TASOR: variants seen among roughly 807,000 people sequenced by gnomAD.
The protein encoded by TASOR is protein TASOR.
A neutral mutation model predicts 178.6 loss-of-function variants in TASOR; 53 were observed. That is an observed-to-expected ratio of 0.30 (90% CI 0.24 to 0.37). The LOEUF is 0.37. Ranked by LOEUF, TASOR falls within the 10% of genes least tolerant of loss-of-function variation. The pLI, the probability that TASOR is intolerant of heterozygous loss-of-function variation, is 1.00. For synonymous variants in TASOR, 713 were observed against 696.2 expected (o/e 1.02, Z -0.38); for missense variants, 1,815 against 1,971.4 (o/e 0.92, Z 1.50).
chr3:56,660,117 T>A (rs1260642528), intron 11 of TASOR, among the ~76,000 whole-genome samples: 1 of 151,992 alleles, frequency 6.6e-6, no homozygotes, highest in Non-Finnish European at 1.5e-5. Flanking sequence ...TGCCTTGGCC[T>A]CCTAAAGTGC....
At position 56,623,309 on chromosome 3, in the gene TASOR, C is replaced by T; in HGVS notation, c.4741G>A (p.Gly1581Arg). ...RTSIDIVCSE[G>R]ENSNSTEQDS... is the part of the protein sequence containing the mutation. Reference sequence around the variant, plus strand: ...TGTTCTGTTGAATTGCTGTTCTCTCCTTCAGAGCATACTATATCAATAGAA... The same window carrying T: ...TGTTCTGTTGAATTGCTGTTCTCTCTTTCAGAGCATACTATATCAATAGAA... Residue 1581 changes from glycine (G) to arginine (R), a missense_variant, in exon 24 of 24, where the codon GGA becomes AGA. By Grantham distance (125) the Gly-to-Arg change is moderately radical. Around this residue, in one of 5 missense-constraint regions of TASOR, gnomAD observed 278 missense variants for 257.1 expected, o/e 1.08. Coordinates refer to ENST00000683822, the MANE Select transcript of TASOR (RefSeq NM_001365635.2). 1 of 1,613,464 alleles carries T rather than the reference C, an allele frequency of 6.2e-7. No individual in the cohort carries two copies. Among genetic ancestry groups the T allele is most frequent in the Non-Finnish European group, 8.5e-7 (1 of 1,179,936 alleles).
intron 18 of TASOR, among the ~76,000 whole-genome samples, chr3:56,629,640 T>C (rs1321114929): frequency 6.6e-6 from 1 of 152,192 alleles, no homozygotes; most frequent in Non-Finnish European, 1.5e-5. Flanking sequence ...AGGCAGACTT[T>C]CATGCAGAGT....
intron 4 of TASOR, 97 bp from the exon 5 acceptor site, chr3:56,669,888 G>T: frequency 1.0e-6 from 1 of 997,950 alleles, no homozygotes; most frequent in Non-Finnish European, 1.5e-6. Context: ...TCATCAATTT[G>T]AGGTGTTCAA....
chr3:56,633,377 A>G lies in TASOR; in HGVS notation c.3414T>C (p.Cys1138=), dbSNP rs1325049998. ...AGTTGGTATCTTTCAAAGGATCACT[A>G]CACAGTGGCTCAAGGAGATGTTTAT... is the stretch of plus-strand genomic sequence containing the variant. ...FNNKHLLEPL[C]SDPLKDTNSD... Residue 1138 remains cysteine, a synonymous_variant, in exon 18 of 24, where the codon TGT becomes TGC. Transcript: ENST00000683822. 2.5e-6 allele frequency: 4 copies of G among 1,614,084 alleles called. No individual in the cohort carries two copies. Among genetic ancestry groups the G allele is most frequent in the Non-Finnish European group, 2.5e-6 (3 of 1,180,036 alleles).
rs1193638568 is a variant in TASOR at position 56,620,999 on chromosome 3, A to AAAGT, written c.*2034_*2037dup. 2 of 84,134 alleles carry AAAGT rather than the reference A, an allele frequency of 2.4e-5. No individual in the cohort carries two copies. The highest frequency in any genetic ancestry group is 4.8e-5 in the Non-Finnish European group (2 of 41,352). 5.2% of individuals were successfully genotyped at this position (84,134 alleles called of 1,614,324 possible). On this transcript the variant is annotated 3_prime_UTR_variant, in exon 24 of 24. Transcript: ENST00000683822. ...AACCCTGTCTCTACTAAAAATACAA[A>AAAGT]AAGTTAGTTAGTTAGTTAGCCAGGC... is the stretch of plus-strand genomic sequence containing the variant.
chr3:56,676,996 A>AT (rs914825825), intron 1 of TASOR, among the ~76,000 whole-genome samples: 1 of 152,162 alleles, frequency 6.6e-6, no homozygotes, highest in African/African-American at 2.4e-5. Context: ...ATAATTTCTC[A>AT]TTTTTTCTGG....
chr3:56,627,548 GA>G, intron 20 of TASOR, 33 bp downstream of exon 20: 1 of 1,608,324 alleles, frequency 6.2e-7, no homozygotes, highest in Non-Finnish European at 8.5e-7. Flanking sequence ...AGAGTCAGAA[GA>G]GGAGTTACGT....
At chr3:56,664,014 A>C in intron 7 of TASOR, 1 of 235,034 alleles carries the variant, frequency 4.3e-6, no homozygotes, top group Non-Finnish European at 6.9e-6. Flanking sequence ...ACCTACATAA[A>C]TCTAATGAGG....
At position 56,683,233 on chromosome 3, in the gene TASOR, C is replaced by A. The variant is rs1022253077; in HGVS notation, c.-227G>T. The A allele has an allele frequency of 1.1e-5, 5 of 460,098 alleles. No homozygotes were observed. The highest frequency in any genetic ancestry group is 1.9e-5 in the Non-Finnish European group (5 of 263,416). 28.5% of individuals were successfully genotyped at this position (460,098 alleles called of 1,614,324 possible). A position where few individuals can be genotyped will look rare whatever the true frequency, so the allele number is the denominator to read the frequency against. ...GGAGCCGCTCCTCCCTCGGGCAGTT[C>A]TTCTGCCTTCCCCCGCCACTCAACG... On this transcript the variant is annotated 5_prime_UTR_variant, in exon 1 of 24. Transcript: ENST00000683822.
intron 8 of TASOR, among the ~76,000 whole-genome samples, chr3:56,663,285 TA>T (rs879706456): frequency 1.3e-5 from 2 of 152,254 alleles, no homozygotes; most frequent in Non-Finnish European, 2.9e-5. Context: ...TTAATACTTT[TA>T]AAAAGCTGAG....
intron 1 of TASOR, among the ~76,000 whole-genome samples, chr3:56,674,407 G>C (rs1189382940): frequency 6.6e-6 from 1 of 151,804 alleles, no homozygotes; most frequent in Non-Finnish European, 1.5e-5. Flanking sequence ...CTACTTGGGA[G>C]GCTGAGGCAG....
chr3:56,621,200 A>ATT lies in TASOR; in HGVS notation c.*1836_*1837insAA, dbSNP rs1553718021. The stretch of plus-strand genomic sequence containing the variant: ...AACAACAACAAAAAAAAAACACTGT[A>ATT]TGTTAAGGGAGACTCCTTCAGTATC... On this transcript the variant is annotated 3_prime_UTR_variant, in exon 24 of 24. Transcript: ENST00000683822. The ATT allele has an allele frequency of 5.8e-6, 1 of 173,252 alleles. No individual in the cohort carries two copies. The highest frequency in any genetic ancestry group is 1.2e-5 in the Non-Finnish European group (1 of 82,362). The allele number at this position is 173,252 out of a possible 1,614,324, so 10.7% of individuals were successfully genotyped here.
chr3:56,669,286 G>A (rs1026661756), intron 5 of TASOR, among the ~76,000 whole-genome samples: 12 of 152,068 alleles, frequency 7.9e-5, no homozygotes, highest in South Asian at 2.1e-4. Context: ...GGTGGATCAC[G>A]AAGTCAGGAG....
chr3:56,683,083 T>C lies in TASOR; in HGVS notation c.-77A>G. The C allele has an allele frequency of 1.4e-6, 2 of 1,399,110 alleles. No homozygotes were observed. Among genetic ancestry groups the C allele is most frequent in the Non-Finnish European group, 1.9e-6 (2 of 1,060,082 alleles). The allele number at this position is 1,399,110 out of a possible 1,614,324, so 86.7% of individuals were successfully genotyped here. A position where few individuals can be genotyped will look rare whatever the true frequency, so the allele number is the denominator to read the frequency against. On this transcript the variant is annotated 5_prime_UTR_variant, in exon 1 of 24. Coordinates refer to ENST00000683822, the MANE Select transcript of TASOR (RefSeq NM_001365635.2). Reference sequence around the variant, plus strand: ...GTGGGGGGAAGGGGCGGCGGGCCAGTCTCGCCGCCGAGCTGCTCTCAGCCC... The same window carrying C: ...GTGGGGGGAAGGGGCGGCGGGCCAGCCTCGCCGCCGAGCTGCTCTCAGCCC...
intron 16 of TASOR, 124 bp from the exon 17 acceptor site, chr3:56,638,889 G>T: frequency 2.3e-6 from 2 of 877,456 alleles, no homozygotes; most frequent in Non-Finnish European, 3.7e-6. Context: ...AATCTGAAGG[G>T]TCATACTGGT....
chr3:56,647,301 GC>G, intron 13 of TASOR, 78 bp from the exon 14 acceptor site: 1 of 1,158,002 alleles, frequency 8.6e-7, no homozygotes, highest in Non-Finnish European at 1.2e-6. Flanking sequence ...TCTAAATATT[GC>G]CAAAGAAGTA....
chr3:56,682,578 A>G, intron 1 of TASOR, 98 bp downstream of exon 1: 2 of 1,106,896 alleles, frequency 1.8e-6, no homozygotes, highest in Non-Finnish European at 2.4e-6. Flanking sequence ...ATGCGTGTTT[A>G]CGTATCTCGG....
intron 11 of TASOR, 38 bp downstream of exon 11, chr3:56,660,693 A>G (rs1406952266): frequency 6.6e-7 from 1 of 1,504,654 alleles, no homozygotes; most frequent in South Asian, 1.1e-5. Context: ...GCATATTTGT[A>G]ACAAAGAATG....
At chr3:56,681,274 T>C (rs2031762451) in intron 1 of TASOR, among the ~76,000 whole-genome samples, 1 of 152,196 alleles carries the variant, frequency 6.6e-6, no homozygotes, top group South Asian at 2.1e-4. Context: ...TGGGAACTTT[T>C]CTCATACAGA....
Sources: allele counts gnomAD v4.1 joint callset (sites outside exome capture counted in the v4.1 genomes callset), GRCh38; gene constraint gnomAD v4.1.1; regional missense constraint gnomAD v4.1.1; transcripts MANE v1.5; gene names NCBI Gene and HGNC (gene_info 2026-07-23, HGNC 2026-07-21).